The following AIRE variants were observed in gnomAD, a reference collection of about 807,000 sequenced individuals.
AIRE encodes autoimmune regulator, also known as autoimmune polyendocrinopathy candidiasis ectodermal dystrophy protein.
A neutral mutation model predicts 62.1 loss-of-function variants in AIRE; 52 were observed. The ratio of observed to expected loss-of-function variants is 0.84; its 90% CI spans 0.67 to 1.06. The LOEUF (loss-of-function observed/expected upper bound fraction) is 1.06, where lower values mean the gene tolerates loss of function less well. Among genes scored for constraint, AIRE ranks in the 50% least tolerant of loss-of-function variants. AIRE has a pLI of 0.00. For missense variants in AIRE, 774 were observed against 755.8 expected, an observed-to-expected ratio of 1.02 and a Z score of -0.28; for synonymous variants, 342 against 321.6, an observed-to-expected ratio of 1.06 and a Z score of -0.68.
In AIRE at chr21:44,297,573, G is replaced by C. The variant is rs548651556; in HGVS notation, c.1567-83G>C. 222 of 1,311,458 alleles carry C rather than the reference G, an allele frequency of 1.7e-4. 2 individuals are homozygous for C. In the African/African-American group the frequency reaches 3.0e-3, roughly 18 times the overall value. 81.2% of individuals were successfully genotyped at this position (1,311,458 alleles called of 1,614,324 possible). A position where few individuals can be genotyped will look rare whatever the true frequency, so the allele number is the denominator to read the frequency against. On this transcript the variant is annotated intron_variant, in intron 13 of 13. Coordinates refer to ENST00000291582, the MANE Select transcript of AIRE (RefSeq NM_000383.4). This position sits in a 1 kb window ranked among gnomAD's most constrained non-coding sequence, Gnocchi z 4.8. ...TTTGACTTAGAGGGAAGGTTGGATGGTGACTTCTTGTAACGATGGCCATGA... is the reference window on the plus strand; with the variant it reads ...TTTGACTTAGAGGGAAGGTTGGATGCTGACTTCTTGTAACGATGGCCATGA...
chr21:44,286,484 A>G lies in AIRE; in HGVS notation c.133-73A>G. ...CCTCTGCCTGGGAGCTCCACCCTCT[A>G]GTCATGATGGAGATGGGCAGGCCGC... is the stretch of plus-strand genomic sequence containing the variant. On this transcript the variant is annotated intron_variant, in intron 1 of 13. Transcript: ENST00000291582. This position sits in a 1 kb window ranked among gnomAD's most constrained non-coding sequence, Gnocchi z 6.0. The G allele has an allele frequency of 6.7e-7, 1 of 1,488,230 alleles. No homozygotes were observed. The highest frequency in any genetic ancestry group is 9.2e-7 in the Non-Finnish European group (1 of 1,088,084). The allele number at this position is 1,488,230 out of a possible 1,614,324, so 92.2% of individuals were successfully genotyped here.
rs912665528 is a variant in AIRE, at chr21:44,290,733, G to A, written c.880-362G>A. 2.8e-6 allele frequency: 4 copies of A among 1,406,102 alleles called. No individual in the cohort carries two copies. The Admixed American group carries it at 5.8e-5, about 21-fold the overall frequency. The allele number at this position is 1,406,102 out of a possible 1,614,324, so 87.1% of individuals were successfully genotyped here. A position where few individuals can be genotyped will look rare whatever the true frequency, so the allele number is the denominator to read the frequency against. On this transcript the variant is annotated intron_variant, in intron 7 of 13. Transcript: ENST00000291582. ...CACAAGGACGGTGGGGGCTGCAGGT[G>A]GAGGATTCAGCAGGCGCTGAGGTCG... is the stretch of plus-strand genomic sequence containing the variant.
chr21:44,291,824 G>A (rs760333728), intron 8 of AIRE, among the ~76,000 whole-genome samples: 10 of 152,154 alleles, frequency 6.6e-5, no homozygotes, highest in Non-Finnish European at 1.0e-4. Context: ...CTGAGTGGCC[G>A]TCATCAGGCC....
intron 7 of AIRE, chr21:44,290,680 A>G: frequency 7.9e-7 from 1 of 1,269,322 alleles, no homozygotes; most frequent in Non-Finnish European, 1.0e-6. Context: ...AGACCCCTGA[A>G]GGCACAGCAG....
chr21:44,293,016 G>A lies in AIRE; in HGVS notation c.1119G>A (p.Ala373=), dbSNP rs765586915. 1.6e-5 allele frequency: 26 copies of A among 1,612,396 alleles called. No homozygotes were observed. The South Asian group carries it at 1.9e-4, about 12-fold the overall frequency. ...ETPLPPGLRS[A]GEEVRGPPGE... is the part of the protein sequence containing the mutation. ...AGCTCCCCCCGGGGCTTAGGTCGGC[G>A]GGAGAGGAGGTAAGAGGTCCACCTG... is the stretch of plus-strand genomic sequence containing the variant. The change falls in exon 10 of 14, where the codon GCG becomes GCA. Residue 373 remains alanine (A), a synonymous_variant. Transcript: ENST00000291582.
Position 44,294,033 on chromosome 21 carries a change from C to T in AIRE, c.1400+123C>T, listed in dbSNP as rs538755888. ...CCCACCCACACCCCACACTCCCACC[C>T]ACACCTTGCACCCCACCCCACACCC... is the stretch of plus-strand genomic sequence containing the variant. On this transcript the variant is annotated intron_variant, in intron 11 of 13. Transcript: ENST00000291582. 131 of 1,309,930 alleles carry T rather than the reference C, an allele frequency of 1.0e-4. No homozygotes were observed. The East Asian group carries it at 3.3e-3, about 33-fold the overall frequency. 81.1% of individuals were successfully genotyped at this position (1,309,930 alleles called of 1,614,324 possible).
rs764680256 is a variant in AIRE, at chr21:44,297,626, G to A, written c.1567-30G>A. The A allele has an allele frequency of 1.3e-6, 2 of 1,586,428 alleles. No individual in the cohort carries two copies. The highest frequency in any genetic ancestry group is 1.7e-5 in the Admixed American group (1 of 59,936). ...CTGTGGCTGCGGCGGGGGCGCACCT[G>A]GAGGTTCTCACCGTCACTCTGTCCC... On this transcript the variant is annotated intron_variant, in intron 13 of 13. Coordinates refer to ENST00000291582, the MANE Select transcript of AIRE (RefSeq NM_000383.4). This position sits in a 1 kb window ranked among gnomAD's most constrained non-coding sequence, Gnocchi z 4.8.
chr21:44,293,414 G>C (rs574160382), intron 10 of AIRE, among the ~76,000 whole-genome samples: 11 of 152,174 alleles, frequency 7.2e-5, no homozygotes, highest in African/African-American at 2.2e-4. Flanking sequence ...GACAATGAAG[G>C]GGGGGATGTC....
intron 5 of AIRE, chr21:44,289,453 C>T: frequency 1.6e-6 from 1 of 638,944 alleles, no homozygotes. Flanking sequence ...TGGACGTGAA[C>T]TTCGGGGGAC....
intron 4 of AIRE, 25 bp from the exon 5 acceptor site, chr21:44,288,320 C>A (rs768039280): frequency 6.5e-7 from 1 of 1,532,788 alleles, no homozygotes; most frequent in East Asian, 2.2e-5. Context: ...CCACGGGTGA[C>A]CCCAATGGGT....
chr21:44,289,905 T>A (rs1239799388), intron 6 of AIRE, 83 bp from the exon 7 acceptor site: 1 of 1,603,202 alleles, frequency 6.2e-7, no homozygotes, highest in African/African-American at 1.3e-5. Flanking sequence ...TGGGGGCTGC[T>A]GCCGAGAGAC....
intron 9 of AIRE, 31 bp downstream of exon 9, chr21:44,292,432 C>A: frequency 2.0e-6 from 3 of 1,467,388 alleles, no homozygotes; most frequent in Non-Finnish European, 2.8e-6. Context: ...AGCCGGGCCA[C>A]CCCTCCTGTC....
intron 7 of AIRE, chr21:44,290,806 C>G (rs1331189697): frequency 6.5e-7 from 1 of 1,532,892 alleles, no homozygotes; most frequent in Non-Finnish European, 8.9e-7. Flanking sequence ...AGGAAGGGTT[C>G]ATGTGGTTGG....
rs375299488 is a variant in AIRE at position 44,293,926 on chromosome 21, C to G, written c.1400+16C>G. On this transcript the variant is annotated intron_variant, in intron 11 of 13. Coordinates refer to ENST00000291582, the MANE Select transcript of AIRE (RefSeq NM_000383.4). ...CCCGGCCCGGGTGAGTGAGCGTGGT[C>G]GGCGGGGAGGCCTGAACCCACACCC... 1 of 1,595,646 alleles carries G rather than the reference C, an allele frequency of 6.3e-7. No homozygotes were observed.
Position 44,294,046 on chromosome 21 carries a change from C to CCACCCCACACCCATGCCCTGCACCCA in AIRE, c.1400+142_1400+167dup, listed in dbSNP as rs1165030240. ...CACACTCCCACCCACACCTTGCACC[C>CCACCCCACACCCATGCCCTGCACCCA]CACCCCACACCCATGCCCTGCACCC... On this transcript the variant is annotated intron_variant, in intron 11 of 13. Coordinates refer to ENST00000291582, the MANE Select transcript of AIRE (RefSeq NM_000383.4). 1,101 of 1,200,084 alleles carry CCACCCCACACCCATGCCCTGCACCCA rather than the reference C, an allele frequency of 9.2e-4. 21 individuals are homozygous for CCACCCCACACCCATGCCCTGCACCCA. In the African/African-American group the frequency reaches 0.014, roughly 15 times the overall value. 74.3% of individuals were successfully genotyped at this position (1,200,084 alleles called of 1,614,324 possible). A position where few individuals can be genotyped will look rare whatever the true frequency, so the allele number is the denominator to read the frequency against.
At chr21:44,290,439 G>T (rs748479091) in intron 7 of AIRE, 3 of 984,994 alleles carry the variant, frequency 3.0e-6, no homozygotes, top group Non-Finnish European at 3.6e-6. Flanking sequence ...TCTTAATGGG[G>T]TAGAAGCAGT....
At chr21:44,290,925 C>T (rs2040531527) in intron 7 of AIRE, 170 bp from the exon 8 acceptor site, 1 of 1,611,766 alleles carries the variant, frequency 6.2e-7, no homozygotes, top group Non-Finnish European at 8.5e-7. Flanking sequence ...GGATGGGGAA[C>T]AGGTGGTCAG....
intron 7 of AIRE, 135 bp from the exon 8 acceptor site, chr21:44,290,960 A>C: frequency 6.2e-7 from 1 of 1,612,708 alleles, no homozygotes; most frequent in Non-Finnish European, 8.5e-7. Flanking sequence ...CCCTGGCAGC[A>C]TGGGAGCAGG....
At chr21:44,295,557 C>A (rs542330786) in intron 12 of AIRE, among the ~76,000 whole-genome samples, 1 of 152,334 alleles carries the variant, frequency 6.6e-6, no homozygotes, top group Non-Finnish European at 1.5e-5. Context: ...TGCAACTGCT[C>A]CCGCAGCGGG....
Sources: gnomAD v4.1 joint callset for allele counts (sites outside exome capture counted in the v4.1 genomes callset) on GRCh38, gnomAD v4.1.1 for gene constraint, Gnocchi (gnomAD v3.1) non-coding constraint, MANE v1.5 for transcripts, NCBI Gene and HGNC (gene_info 2026-07-23, HGNC 2026-07-21) for gene names.